LUZP2: variants seen among roughly 807,000 people sequenced by gnomAD.
LUZP2 encodes leucine zipper protein 2.
LUZP2 carries 52 observed loss-of-function variants against 51.6 expected under a neutral mutation model. The ratio of observed to expected loss-of-function variants is 1.01; its 90% CI spans 0.81 to 1.27. LUZP2 has a LOEUF of 1.27. Ranked by LOEUF, LUZP2 falls within the 50% of genes most tolerant of loss-of-function variation. The pLI is 0.00. For synonymous variants in LUZP2, 154 were observed against 137.3 expected (o/e 1.12, Z -0.85); for missense variants, 436 against 395.4 (o/e 1.10, Z -0.87).
intron 5 of LUZP2, among the ~76,000 whole-genome samples, chr11:24,813,524 A>G (rs965784): frequency 0.75 from 114,791 of 152,060 alleles, 43,511 homozygotes; most frequent in Middle Eastern, 0.84. Flanking sequence ...AAAGGGAGTC[A>G]GGGGTGGTGC....
At chr11:24,971,384 T>C (rs1277266454) in intron 7 of LUZP2, among the ~76,000 whole-genome samples, 1 of 152,110 alleles carries the variant, frequency 6.6e-6, no homozygotes, top group East Asian at 1.9e-4. Flanking sequence ...AAGTTCAGCT[T>C]TGCTCACTTG....
At chr11:24,789,393 ATCCAAGATACTGGAT>A (rs1386863774) in intron 5 of LUZP2, among the ~76,000 whole-genome samples, 1 of 152,116 alleles carries the variant, frequency 6.6e-6, no homozygotes, top group African/African-American at 2.4e-5. Flanking sequence ...TACTTAAGTA[ATCCAAGATACTGGAT>A]TACCTCTTAT....
chr11:24,637,520 C>G (rs1855145791), intron 1 of LUZP2, among the ~76,000 whole-genome samples: 1 of 151,848 alleles, frequency 6.6e-6, no homozygotes, highest in Non-Finnish European at 1.5e-5. Flanking sequence ...CCATATTTTT[C>G]TCCTTGCAGA....
intron 5 of LUZP2, among the ~76,000 whole-genome samples, chr11:24,899,451 T>G (rs1300312462): frequency 6.6e-6 from 1 of 151,788 alleles, no homozygotes; most frequent in Non-Finnish European, 1.5e-5. Context: ...AAACAAAACC[T>G]GATTATATAT....
chr11:24,612,678 T>C (rs991708526), intron 1 of LUZP2, among the ~76,000 whole-genome samples: 1 of 152,110 alleles, frequency 6.6e-6, no homozygotes, highest in Non-Finnish European at 1.5e-5. Flanking sequence ...ATTTGATTCT[T>C]ATGTTTTCTG....
chr11:24,906,305 C>A (rs887901153), intron 6 of LUZP2, among the ~76,000 whole-genome samples: 7 of 145,848 alleles, frequency 4.8e-5, no homozygotes, highest in African/African-American at 1.8e-4. Flanking sequence ...TTCTGGATTT[C>A]TTCCTTATCT....
At chr11:24,896,400 T>C (rs10082638) in intron 5 of LUZP2, among the ~76,000 whole-genome samples, 82,477 of 151,946 alleles carry the variant, frequency 0.54, 22,651 homozygotes, top group East Asian at 0.73. Context: ...CGGCCGGCGA[T>C]GCCAGCTCCA....
chr11:24,563,201 C>T (rs1023903387), intron 1 of LUZP2, among the ~76,000 whole-genome samples: 1 of 152,120 alleles, frequency 6.6e-6, no homozygotes. Flanking sequence ...AACTGGGAAT[C>T]ATTAGGAAGT....
intron 9 of LUZP2, among the ~76,000 whole-genome samples, chr11:25,021,868 G>A (rs539860140): frequency 8.5e-5 from 13 of 152,120 alleles, no homozygotes; most frequent in African/African-American, 2.4e-4. Context: ...ACCCTCTAAT[G>A]TGAATGACTC....
chr11:24,913,551 A>C (rs183209745), intron 6 of LUZP2, among the ~76,000 whole-genome samples: 3 of 152,184 alleles, frequency 2.0e-5, no homozygotes, highest in Admixed American at 1.3e-4. Flanking sequence ...CAATGTACAT[A>C]TGTTTAATTT....
chr11:24,687,436 G>T (rs964706575), intron 1 of LUZP2, among the ~76,000 whole-genome samples: 1 of 152,112 alleles, frequency 6.6e-6, no homozygotes, highest in African/African-American at 2.4e-5. Flanking sequence ...AGGATTAAAT[G>T]AATTTAATCC....
chr11:24,809,571 C>T (rs7120135), intron 5 of LUZP2, among the ~76,000 whole-genome samples: 6,085 of 152,054 alleles, frequency 0.04, 169 homozygotes, highest in Middle Eastern at 0.072. Context: ...ACTGGCATAG[C>T]CAAGCCTTAA....
chr11:24,764,489 C>CAAAAAAAAA lies in LUZP2; in HGVS notation c.396+1181_396+1182insAAAAAAAAA, dbSNP rs1565124723. 5.8e-3 allele frequency among the ~76,000 whole-genome samples: 326 copies of CAAAAAAAAA among 56,364 alleles called. 17 individuals carry two copies. The highest frequency in any genetic ancestry group is 0.018 in the African/African-American group (273 of 15,128). The allele number at this position is 56,364 out of a possible 152,430, so 37.0% of individuals were successfully genotyped here. A position where few individuals can be genotyped will look rare whatever the true frequency, so the allele number is the denominator to read the frequency against. On this transcript the variant is annotated intron_variant, in intron 5 of 11. Coordinates refer to ENST00000336930, the MANE Select transcript of LUZP2 (RefSeq NM_001009909.4). ...TGGACAACATGGTAAAATCTCATCT[C>CAAAAAAAAA]TAAAAAAAAAAAAAAAAAAAAAAAA...
In LUZP2 at chr11:24,894,141, A is replaced by G. The variant is rs571706464; in HGVS notation, c.397-11850A>G. Among the ~76,000 whole-genome samples, 3 of 152,012 alleles carry G rather than the reference A, an allele frequency of 2.0e-5. No individual in the cohort carries two copies. In the South Asian group the frequency reaches 6.2e-4, roughly 32 times the overall value. On this transcript the variant is annotated intron_variant, in intron 5 of 11. Coordinates refer to ENST00000336930, the MANE Select transcript of LUZP2 (RefSeq NM_001009909.4). ...GTGAATAGAATATGCATGAATAAATAAATATTTTTAACGAATCTTTTCTAA... is the reference window on the plus strand; with the variant it reads ...GTGAATAGAATATGCATGAATAAATGAATATTTTTAACGAATCTTTTCTAA...
chr11:24,929,992 C>T (rs538992724), intron 7 of LUZP2, among the ~76,000 whole-genome samples: 11 of 152,208 alleles, frequency 7.2e-5, no homozygotes, highest in South Asian at 4.2e-4. Flanking sequence ...TGTCTGTCTT[C>T]GACTTTTTTC....
intron 1 of LUZP2, among the ~76,000 whole-genome samples, chr11:24,636,608 C>T (rs374123638): frequency 7.2e-5 from 11 of 152,238 alleles, no homozygotes; most frequent in Middle Eastern, 6.8e-3. Flanking sequence ...GATTTACACA[C>T]GTAAATGCAT....
chr11:24,623,726 A>G (rs1362205633), intron 1 of LUZP2, among the ~76,000 whole-genome samples: 1 of 152,166 alleles, frequency 6.6e-6, no homozygotes, highest in Non-Finnish European at 1.5e-5. Flanking sequence ...CGGTGCCTGT[A>G]GGCCCTGCTA....
intron 8 of LUZP2, among the ~76,000 whole-genome samples, chr11:24,978,689 T>C (rs984891944): frequency 1.2e-4 from 18 of 151,698 alleles, no homozygotes; most frequent in Admixed American, 5.3e-4. Flanking sequence ...GCACTAACAA[T>C]TAGGGAATAA....
intron 5 of LUZP2, among the ~76,000 whole-genome samples, chr11:24,813,522 T>A (rs1001143911): frequency 2.0e-5 from 3 of 151,174 alleles, no homozygotes; most frequent in African/African-American, 7.3e-5. Flanking sequence ...AAAAAGGGAG[T>A]CAGGGGTGGT....
Sources: allele counts gnomAD v4.1 joint callset (sites outside exome capture counted in the v4.1 genomes callset), GRCh38; gene constraint gnomAD v4.1.1; transcripts MANE v1.5; gene names NCBI Gene and HGNC (gene_info 2026-07-23, HGNC 2026-07-21).